AKIP1: variants seen among roughly 807,000 people sequenced by gnomAD.
The protein encoded by AKIP1 is A-kinase interacting protein 1, also known as A-kinase-interacting protein 1.
A neutral mutation model predicts 22.3 loss-of-function variants in AKIP1; 18 were observed. That is an observed-to-expected ratio of 0.81 (90% CI 0.56 to 1.19). The LOEUF (loss-of-function observed/expected upper bound fraction) is 1.19. AKIP1 is among the 50% of genes most tolerant of loss of function. The pLI is 0.00. For missense variants in AKIP1, 287 were observed against 264.6 expected (o/e 1.08, Z -0.59); for synonymous variants, 120 against 102.7 (o/e 1.17, Z -1.02).
chr11:8,917,506 C>T, intron 5 of AKIP1, 139 bp downstream of exon 5: 1 of 720,396 alleles, frequency 1.4e-6, no homozygotes. Context: ...AAGAAGGGCA[C>T]ACAAGATTTT....
At position 8,913,121 on chromosome 11, in the gene AKIP1, C is replaced by T. The variant is rs545396336; in HGVS notation, c.303+588C>T. 4.7e-5 allele frequency among the ~76,000 whole-genome samples: 7 copies of T among 150,278 alleles called. No individual in the cohort carries two copies. In the East Asian group the frequency reaches 9.8e-4, roughly 21 times the overall value. On this transcript the variant is annotated intron_variant, in intron 3 of 5. Transcript: ENST00000309377. ...GTCTCCATCTCCTGACCTCGTGATC[C>T]GCCCGCCTCAGCCTCCCAAAGTGCT...
intron 2 of AKIP1, among the ~76,000 whole-genome samples, chr11:8,912,040 A>G (rs2064374666): frequency 6.6e-6 from 1 of 151,992 alleles, no homozygotes; most frequent in Admixed American, 6.5e-5. Context: ...TCTACTAAAA[A>G]TACAAAATTA....
At position 8,911,201 on chromosome 11, in the gene AKIP1, A is replaced by C; in HGVS notation, c.-29A>C. 1 of 511,214 alleles carries C rather than the reference A, an allele frequency of 2.0e-6. No individual in the cohort carries two copies. Among genetic ancestry groups the C allele is most frequent in the Non-Finnish European group, 3.5e-6 (1 of 288,254 alleles). The allele number at this position is 511,214 out of a possible 1,614,324, so 31.7% of individuals were successfully genotyped here. A position where few individuals can be genotyped will look rare whatever the true frequency, so the allele number is the denominator to read the frequency against. On this transcript the variant is annotated 5_prime_UTR_variant, in exon 1 of 6. The change abolishes an upstream ATG in the 5' untranslated region. Transcript: ENST00000309377. ...CTCTTCCTAGAATAGCGTTGCGCGC[A>C]TGCGCCTTGACGAGTGAGCCGGGTG... is the stretch of plus-strand genomic sequence containing the variant.
At chr11:8,914,137 CAT>C (rs981362687) in intron 3 of AKIP1, among the ~76,000 whole-genome samples, 3 of 152,216 alleles carry the variant, frequency 2.0e-5, no homozygotes, top group East Asian at 1.9e-4. Context: ...CTTCTGGTCA[CAT>C]GTTTTTTAGA....
In AKIP1 at chr11:8,919,605, C is replaced by G. The variant is rs1475133149; in HGVS notation, c.*125C>G. ...GCTGACTGGGTCAGCCTTCCGGGAA[C>G]TGGAGTCTGTCTCTTTCAGTGCTTT... On this transcript the variant is annotated 3_prime_UTR_variant, in exon 6 of 6. Coordinates refer to ENST00000309377, the MANE Select transcript of AKIP1 (RefSeq NM_020642.4). The G allele has an allele frequency of 4.8e-5, 51 of 1,070,400 alleles. No homozygotes were observed. Among genetic ancestry groups the G allele is most frequent in the Non-Finnish European group, 6.8e-5 (50 of 737,916 alleles). The allele number at this position is 1,070,400 out of a possible 1,614,324, so 66.3% of individuals were successfully genotyped here.
chr11:8,916,197 C>CT (rs1437269367), intron 4 of AKIP1, among the ~76,000 whole-genome samples: 1 of 151,994 alleles, frequency 6.6e-6, no homozygotes, highest in East Asian at 1.9e-4. Flanking sequence ...CTCAGGTGAT[C>CT]TGCCTGCCTC....
At chr11:8,915,963 A>T (rs1282610817) in intron 4 of AKIP1, among the ~76,000 whole-genome samples, 1 of 151,922 alleles carries the variant, frequency 6.6e-6, no homozygotes, top group Non-Finnish European at 1.5e-5. Context: ...CTGGGACTAC[A>T]GGCGTTGCCA....
rs1190581392 is a variant in AKIP1, at chr11:8,914,877, T to C, written c.355T>C (p.Tyr119His). The C allele has an allele frequency of 3.1e-6, 5 of 1,614,090 alleles. No homozygotes were observed. Among genetic ancestry groups the C allele is most frequent in the Non-Finnish European group, 4.2e-6 (5 of 1,180,002 alleles). The part of the protein sequence containing the change: ...EEGGATHVYR[Y>H]HRGESKLHMC... ...AGGAGGGGCAACCCATGTCTATCGT[T>C]ATCACAGAGGCGAGTCGAAGCTGCA... The change falls in exon 4 of 6, where the codon TAT (tyrosine) becomes CAT (histidine). Residue 119 changes from tyrosine (Y) to histidine (H), a missense_variant. Physicochemically the swap from Tyr to His is moderately conservative, Grantham distance 83 (BLOSUM62 2). Transcript: ENST00000309377.
chr11:8,911,769 T>C (rs78213310), intron 2 of AKIP1, 98 bp downstream of exon 2: 36,562 of 1,206,586 alleles, frequency 0.03, 682 homozygotes, highest in Non-Finnish European at 0.036. Flanking sequence ...GAGGAAACCT[T>C]CCCTTAGCGG....
At chr11:8,915,368 T>TC (rs1479341437) in intron 4 of AKIP1, among the ~76,000 whole-genome samples, 5 of 135,528 alleles carry the variant, frequency 3.7e-5, no homozygotes, top group Admixed American at 2.2e-4. Flanking sequence ...CTTTTTTTTT[T>TC]TTTTTTTTTT....
At chr11:8,915,522 C>A (rs947491498) in intron 4 of AKIP1, among the ~76,000 whole-genome samples, 2 of 150,572 alleles carry the variant, frequency 1.3e-5, no homozygotes, top group African/African-American at 4.9e-5. Flanking sequence ...CCACCACACC[C>A]AGCTAATTTT....
At chr11:8,913,707 A>T (rs1044818283) in intron 3 of AKIP1, among the ~76,000 whole-genome samples, 1 of 152,200 alleles carries the variant, frequency 6.6e-6, no homozygotes, top group African/African-American at 2.4e-5. Flanking sequence ...TCATATGTTA[A>T]GATCTCAAAA....
intron 4 of AKIP1, 131 bp downstream of exon 4, chr11:8,915,061 A>G: frequency 1.6e-6 from 1 of 629,132 alleles, no homozygotes; most frequent in Admixed American, 3.2e-5. Context: ...CTTAACAGAA[A>G]TGTGTAAATT....
In AKIP1 at chr11:8,919,423, G is replaced by A. The variant is rs1218577574; in HGVS notation, c.576G>A (p.Lys192=). 36 of 1,614,064 alleles carry A rather than the reference G, an allele frequency of 2.2e-5. No individual in the cohort carries two copies. Among genetic ancestry groups the A allele is most frequent in the Non-Finnish European group, 2.9e-5 (34 of 1,180,030 alleles). ...TGGGCTCAAATGACTTAACCAAGAA[G>A]ACTCATGTGGTAGCAGTTGATTCTG... ...VTVGSNDLTK[K]THVVAVDSGQ... is the part of the protein sequence containing the mutation. Residue 192 remains lysine, a synonymous_variant, in exon 6 of 6, where the codon AAG becomes AAA. Transcript: ENST00000309377.
rs924839667 is a variant in AKIP1, at chr11:8,912,463, G to A, written c.233G>A (p.Arg78Lys). The A allele has an allele frequency of 6.2e-7, 1 of 1,613,876 alleles. No homozygotes were observed. Among genetic ancestry groups the A allele is most frequent in the Non-Finnish European group, 8.5e-7 (1 of 1,179,758 alleles). Reference sequence around the variant, plus strand: ...CATTTATTCAAATAGAGAGAAGAGAGACCCCCAACCCTTAGTGCTTCCTTC... The same window carrying A: ...CATTTATTCAAATAGAGAGAAGAGAAACCCCCAACCCTTAGTGCTTCCTTC... ...QRVLPGEREE[R>K]PPTLSASFRT... Residue 78 changes from arginine (R) to lysine (K), a missense_variant, in exon 3 of 6, where the codon AGA becomes AAA. By Grantham distance (26) the Arg-to-Lys change is conservative. Coordinates refer to ENST00000309377, the MANE Select transcript of AKIP1 (RefSeq NM_020642.4).
chr11:8,918,352 A>G (rs1298281060), intron 5 of AKIP1, among the ~76,000 whole-genome samples: 2 of 152,274 alleles, frequency 1.3e-5, no homozygotes, highest in African/African-American at 4.8e-5. Flanking sequence ...GAAAGAATAC[A>G]ACATAAAACA....
chr11:8,914,329 C>T lies in AKIP1; in HGVS notation c.304-497C>T, dbSNP rs559114845. ...ACTTCTCCCTCCACTCCCCCACGCG[C>T]AGGAAGCACAGAGAAAAGGGCTGCA... On this transcript the variant is annotated intron_variant, in intron 3 of 5. Transcript: ENST00000309377. Among the ~76,000 whole-genome samples the T allele has an allele frequency of 8.5e-5, 13 of 152,308 alleles. No homozygotes were observed. In the East Asian group the frequency reaches 2.5e-3, roughly 29 times the overall value.
At position 8,914,873 on chromosome 11, in the gene AKIP1, T is replaced by C. The variant is rs78554101; in HGVS notation, c.351T>C (p.Tyr117=). Residue 117 remains tyrosine (Y), a synonymous_variant, in exon 4 of 6, where the codon TAT becomes TAC. Transcript: ENST00000309377. ...VPEEGGATHV[Y]RYHRGESKLH... is the part of the protein sequence containing the mutation. Reference sequence around the variant, plus strand: ...AGGAAGGAGGGGCAACCCATGTCTATCGTTATCACAGAGGCGAGTCGAAGC... The same window carrying C: ...AGGAAGGAGGGGCAACCCATGTCTACCGTTATCACAGAGGCGAGTCGAAGC... 6.2e-7 allele frequency: 1 copy of C among 1,614,064 alleles called. No individual in the cohort carries two copies. Among genetic ancestry groups the C allele is most frequent in the African/African-American group, 1.3e-5 (1 of 75,064 alleles).
At chr11:8,915,701 C>T (rs1215960195) in intron 4 of AKIP1, among the ~76,000 whole-genome samples, 4 of 148,792 alleles carry the variant, frequency 2.7e-5, no homozygotes, top group African/African-American at 5.0e-5. Flanking sequence ...TGCAGTGGTG[C>T]GATCGCGGCT....
Sources: gnomAD v4.1 joint callset for allele counts (sites outside exome capture counted in the v4.1 genomes callset) on GRCh38, gnomAD v4.1.1 for gene constraint, MANE v1.5 for transcripts, NCBI Gene and HGNC (gene_info 2026-07-23, HGNC 2026-07-21) for gene names.